The following COBL variants were observed in gnomAD, a reference collection of about 807,000 sequenced individuals.
COBL encodes cordon-bleu WH2 repeat protein.
A neutral mutation model predicts 98.8 loss-of-function variants in COBL; 51 were observed. The observed-to-expected ratio is 0.52, with a 90% CI of 0.41 to 0.65. COBL has a LOEUF of 0.65. COBL is among the 30% of genes least tolerant of loss of function. COBL has a pLI of 0.00. For synonymous variants in COBL, 634 were observed against 651.7 expected, an observed-to-expected ratio of 0.97 and a Z score of 0.41; for missense variants, 1,617 against 1,617.5, an observed-to-expected ratio of 1.00 and a Z score of 0.01.
chr7:51,159,529 C>G (rs1257300815), intron 5 of COBL, among the ~76,000 whole-genome samples: 2 of 152,170 alleles, frequency 1.3e-5, no homozygotes, highest in African/African-American at 4.8e-5. Flanking sequence ...TTGTTTTATA[C>G]TTGTCTGACA....
intron 2 of COBL, among the ~76,000 whole-genome samples, chr7:51,207,893 C>T (rs1266994545): frequency 1.4e-5 from 2 of 148,128 alleles, no homozygotes; most frequent in African/African-American, 2.5e-5. Flanking sequence ...GGCCGCCCAT[C>T]GTCTGGGATG....
At chr7:51,268,336 G>A (rs1438592241) in intron 1 of COBL, among the ~76,000 whole-genome samples, 1 of 152,140 alleles carries the variant, frequency 6.6e-6, no homozygotes, top group Non-Finnish European at 1.5e-5. Context: ...CCTCCACTGT[G>A]GGAAAAATCA....
At chr7:51,314,983 T>C (rs572444215) in intron 1 of COBL, among the ~76,000 whole-genome samples, 3 of 152,342 alleles carry the variant, frequency 2.0e-5, no homozygotes, top group East Asian at 3.9e-4. Context: ...TTCAAGGATC[T>C]TACAGATACT....
chr7:51,284,740 T>C (rs1456797603), intron 1 of COBL, among the ~76,000 whole-genome samples: 1 of 149,922 alleles, frequency 6.7e-6, no homozygotes, highest in Non-Finnish European at 1.5e-5. Flanking sequence ...GGCAGGAGAA[T>C]CACTTGAACC....
intron 7 of COBL, among the ~76,000 whole-genome samples, chr7:51,080,191 T>C (rs1427989269): frequency 6.6e-6 from 1 of 152,142 alleles, no homozygotes; most frequent in East Asian, 1.9e-4. Context: ...GTTGAAGAGA[T>C]AAAATAAAGG....
Position 51,028,215 on chromosome 7 carries a change from A to G in COBL, c.2881T>C (p.Leu961=), listed in dbSNP as rs1270157777. The G allele has an allele frequency of 1.2e-6, 2 of 1,614,178 alleles. No homozygotes were observed. The highest frequency in any genetic ancestry group is 1.7e-6 in the Non-Finnish European group (2 of 1,180,004). The part of the protein sequence containing the change: ...RGEVIGPHRK[L]STQDRPAAIH... ...GCAGCAGGTCTGTCCTGAGTAGACA[A>G]CTTCCTGTGTGGGCCAATGACCTCC... The change falls in exon 10 of 13, where the codon TTG becomes CTG. Residue 961 remains leucine, a synonymous_variant. Transcript: ENST00000265136.
rs762209143 is a variant in COBL at position 51,025,333 on chromosome 7, C to T, written c.3544G>A (p.Asp1182Asn). The T allele has an allele frequency of 4.3e-6, 7 of 1,613,386 alleles. No individual in the cohort carries two copies. The highest frequency in any genetic ancestry group is 5.1e-6 in the Non-Finnish European group (6 of 1,180,044). ...SASEELQSFR[D>N]AALSAQGSES... is the part of the protein sequence containing the mutation. ...GAGCCCTGAGCAGAGAGTGCGGCAT[C>T]TCGGAAGCTCTGGAGCTCCTCAGAA... The change falls in exon 12 of 13, where the codon GAT becomes AAT. Residue 1182 changes from aspartate (D) to asparagine (N), a missense_variant. Around this residue, in one of 3 missense-constraint regions of COBL, gnomAD observed 1,304 missense variants for 1,282.0 expected, o/e 1.02. Transcript: ENST00000265136.
intron 2 of COBL, among the ~76,000 whole-genome samples, chr7:51,208,200 C>CG (rs1791976018): frequency 6.7e-6 from 1 of 149,976 alleles, no homozygotes; most frequent in Non-Finnish European, 1.5e-5. Context: ...CTGGCAACCG[C>CG]CCCGTCTGAG....
At chr7:51,138,771 C>G (rs186126156) in intron 5 of COBL, among the ~76,000 whole-genome samples, 1 of 152,346 alleles carries the variant, frequency 6.6e-6, no homozygotes, top group East Asian at 1.9e-4. Context: ...ACCCATGCCA[C>G]CTGCTATCTC....
At chr7:51,275,258 G>A (rs899240133) in intron 1 of COBL, among the ~76,000 whole-genome samples, 1 of 152,172 alleles carries the variant, frequency 6.6e-6, no homozygotes, top group African/African-American at 2.4e-5. Context: ...TCCTGCAAAG[G>A]ACCTGAGGGA....
At chr7:51,129,587 C>T (rs1373461678) in intron 6 of COBL, among the ~76,000 whole-genome samples, 1 of 152,076 alleles carries the variant, frequency 6.6e-6, no homozygotes, top group East Asian at 1.9e-4. Flanking sequence ...TGTCAGGGAA[C>T]ACAGAATTCC....
chr7:51,057,116 G>C (rs1484726146), intron 7 of COBL, among the ~76,000 whole-genome samples: 2 of 152,126 alleles, frequency 1.3e-5, no homozygotes, highest in Admixed American at 6.5e-5. Flanking sequence ...TTCTCAGACG[G>C]ACTGTCTCAA....
chr7:51,191,033 C>T lies in COBL; in HGVS notation c.502G>A (p.Val168Ile). ...GGAACCTCAGGGCTCACACGCACAA[C>T]AGCTTTTTGTGTCCGCAGGTAATTC... The part of the protein sequence containing the change: ...VVNYLRTQKA[V>I]VRVSPEVPLQ... The change falls in exon 4 of 13, where the codon GTT becomes ATT. Residue 168 changes from valine (V) to isoleucine (I), a missense_variant. By Grantham distance (29) the Val-to-Ile change is conservative. This residue lies in a region of COBL where 75 missense variants were observed against 120.5 expected (regional missense o/e 0.62). Coordinates refer to ENST00000265136, the MANE Select transcript of COBL (RefSeq NM_015198.5). 1 of 1,614,180 alleles carries T rather than the reference C, an allele frequency of 6.2e-7. No homozygotes were observed. The highest frequency in any genetic ancestry group is 8.5e-7 in the Non-Finnish European group (1 of 1,180,032).
chr7:51,277,165 T>A lies in COBL; in HGVS notation c.41+39428A>T, dbSNP rs115073287. Among the ~76,000 whole-genome samples the A allele has an allele frequency of 3.2e-3, 487 of 152,238 alleles. 4 individuals are homozygous for A. Among genetic ancestry groups the A allele is most frequent in the African/African-American group, 0.011 (463 of 41,544 alleles). ...AAGGCACAGAACAAGGCCTTCCCTGTTTCCATGACGGCCACACATGCGCAG... is the reference window on the plus strand; with the variant it reads ...AAGGCACAGAACAAGGCCTTCCCTGATTCCATGACGGCCACACATGCGCAG... On this transcript the variant is annotated intron_variant, in intron 1 of 12. Transcript: ENST00000265136.
chr7:51,213,509 T>C (rs1341542400), intron 2 of COBL, among the ~76,000 whole-genome samples: 2 of 152,108 alleles, frequency 1.3e-5, no homozygotes, highest in African/African-American at 4.8e-5. Flanking sequence ...AAAAAGCTTG[T>C]GGCCCACTGC....
chr7:51,082,987 C>T, intron 7 of COBL: 1 of 1,433,706 alleles, frequency 7.0e-7, no homozygotes, highest in Non-Finnish European at 9.5e-7. Context: ...ATCTGGAAAC[C>T]CAGCCCTGAC....
chr7:51,023,545 G>A (rs935878063), intron 12 of COBL, among the ~76,000 whole-genome samples: 2 of 152,200 alleles, frequency 1.3e-5, no homozygotes, highest in African/African-American at 2.4e-5. Flanking sequence ...CCCCTGGGGA[G>A]CTCAGAGAGC....
intron 6 of COBL, among the ~76,000 whole-genome samples, chr7:51,100,768 T>C (rs1795731339): frequency 6.6e-6 from 1 of 152,124 alleles, no homozygotes; most frequent in African/African-American, 2.4e-5. Flanking sequence ...CAGGGCATGG[T>C]GGCCCACACC....
At chr7:51,086,235 T>C (rs1233522619) in intron 6 of COBL, among the ~76,000 whole-genome samples, 1 of 151,882 alleles carries the variant, frequency 6.6e-6, no homozygotes, top group Non-Finnish European at 1.5e-5. Flanking sequence ...TGGACACTTG[T>C]AGTCTCAGCT....
Sources: allele counts gnomAD v4.1 joint callset (sites outside exome capture counted in the v4.1 genomes callset), GRCh38; gene constraint gnomAD v4.1.1; regional missense constraint gnomAD v4.1.1; transcripts MANE v1.5; gene names NCBI Gene and HGNC (gene_info 2026-07-23, HGNC 2026-07-21).